Variants in STK32A observed in about 807,000 individuals in gnomAD.
STK32A encodes the protein serine/threonine kinase 32A, also known as serine/threonine-protein kinase 32A.
In STK32A, 41 loss-of-function variants were observed where a neutral mutation model predicts 53.2. The ratio of observed to expected loss-of-function variants is 0.77; its 90% confidence interval spans 0.60 to 1.00. STK32A has a LOEUF of 1.00. Ranked by LOEUF, STK32A falls within the 50% of genes least tolerant of loss-of-function variation. The probability of loss-of-function intolerance (pLI) is 0.00; values close to 1 mark genes in which losing one functional copy is unlikely to be tolerated. For synonymous variants in STK32A, 166 were observed against 162.8 expected, an observed-to-expected ratio of 1.02 and a Z score of -0.15; for missense variants, 458 against 485.8, an observed-to-expected ratio of 0.94 and a Z score of 0.54.
At chr5:147,334,407 C>T (rs752640732) in intron 5 of STK32A, among the ~76,000 whole-genome samples, 12 of 152,144 alleles carry the variant, frequency 7.9e-5, no homozygotes, top group African/African-American at 1.7e-4. Context: ...TTATGGATGG[C>T]GTCCATTCTT....
chr5:147,244,979 C>T (rs1753720922), intron 2 of STK32A, among the ~76,000 whole-genome samples: 1 of 152,190 alleles, frequency 6.6e-6, no homozygotes, highest in Non-Finnish European at 1.5e-5. Flanking sequence ...TAATTAAATG[C>T]AACTCTGTCG....
chr5:147,280,247 G>A (rs954233127), intron 4 of STK32A, among the ~76,000 whole-genome samples: 19 of 152,190 alleles, frequency 1.2e-4, no homozygotes, highest in South Asian at 4.2e-4. Flanking sequence ...GTGAGAAAGC[G>A]CCTGGCCAGA....
At chr5:147,314,598 TAAAG>T (rs1753894756) in intron 4 of STK32A, among the ~76,000 whole-genome samples, 1 of 149,972 alleles carries the variant, frequency 6.7e-6, no homozygotes, top group Non-Finnish European at 1.5e-5. Context: ...TAAAAATGGA[TAAAG>T]AATCTGAGTA....
chr5:147,297,547 G>T (rs931084563), intron 4 of STK32A, among the ~76,000 whole-genome samples: 6 of 152,110 alleles, frequency 3.9e-5, no homozygotes, highest in Non-Finnish European at 7.3e-5. Context: ...GCATATAAAG[G>T]ATTTCAACTC....
intron 7 of STK32A, among the ~76,000 whole-genome samples, chr5:147,357,591 G>A (rs986460770): frequency 5.3e-5 from 8 of 151,814 alleles, no homozygotes; most frequent in African/African-American, 1.9e-4. Flanking sequence ...GCCTAGTTTT[G>A]ACATGAAAAG....
intron 4 of STK32A, among the ~76,000 whole-genome samples, chr5:147,319,511 T>C (rs965537350): frequency 3.9e-5 from 6 of 152,138 alleles, no homozygotes; most frequent in Non-Finnish European, 7.3e-5. Context: ...TGTGTTGTTA[T>C]GGTGAATGAA....
intron 2 of STK32A, among the ~76,000 whole-genome samples, chr5:147,260,078 C>G (rs1754447357): frequency 8.2e-6 from 1 of 121,578 alleles, no homozygotes; most frequent in Non-Finnish European, 1.7e-5. Context: ...TCTCCTGTCT[C>G]TCGCTCTCCT....
At chr5:147,247,016 C>T (rs1290632634) in intron 2 of STK32A, among the ~76,000 whole-genome samples, 2 of 152,202 alleles carry the variant, frequency 1.3e-5, no homozygotes, top group African/African-American at 4.8e-5. Flanking sequence ...AACACTCATG[C>T]TACCGTAACT....
intron 4 of STK32A, among the ~76,000 whole-genome samples, chr5:147,311,427 C>A (rs1331255869): frequency 6.6e-6 from 1 of 152,120 alleles, no homozygotes; most frequent in Non-Finnish European, 1.5e-5. Context: ...AAGCTATATG[C>A]CAGGGGTTGC....
intron 12 of STK32A, 121 bp downstream of exon 12, chr5:147,383,626 G>T: frequency 1.4e-5 from 13 of 920,880 alleles, no homozygotes; most frequent in Non-Finnish European, 2.1e-5. Flanking sequence ...GGAAAATGAT[G>T]CAATCTATTA....
At chr5:147,314,487 A>C (rs1182266374) in intron 4 of STK32A, among the ~76,000 whole-genome samples, 3 of 131,714 alleles carry the variant, frequency 2.3e-5, no homozygotes, top group Non-Finnish European at 4.7e-5. Flanking sequence ...AACAAGAGCG[A>C]AACTCCATAT....
chr5:147,366,805 CT>C (rs1756768082), intron 8 of STK32A, among the ~76,000 whole-genome samples: 1 of 151,774 alleles, frequency 6.6e-6, no homozygotes, highest in Non-Finnish European at 1.5e-5. Flanking sequence ...GATACTCTAT[CT>C]TCAGATAGAT....
At chr5:147,337,612 A>G (rs1317741537) in intron 5 of STK32A, among the ~76,000 whole-genome samples, 9 of 152,078 alleles carry the variant, frequency 5.9e-5, no homozygotes, top group Admixed American at 5.9e-4. Flanking sequence ...TCGAGCACCT[A>G]CTTTATTCTT....
chr5:147,355,509 T>TAA (rs72096179), intron 7 of STK32A, among the ~76,000 whole-genome samples: 7 of 151,068 alleles, frequency 4.6e-5, no homozygotes, highest in South Asian at 2.1e-4. Flanking sequence ...CCGTCTCTAC[T>TAA]AAAAAAATAC....
rs1372350751 is a variant in STK32A at position 147,319,098 on chromosome 5, C to T, written c.261-4800C>T. ...ACCTTTGTTTTGCCTTAGATTGTCA[C>T]ATTGTGGTATTTCAGTTAAAAAACA... On this transcript the variant is annotated intron_variant, in intron 4 of 12. Transcript: ENST00000397936. Among the ~76,000 whole-genome samples, 4 of 150,074 alleles carry T rather than the reference C, an allele frequency of 2.7e-5. 1 individual carries two copies. Among genetic ancestry groups the T allele is most frequent in the Non-Finnish European group, 5.9e-5 (4 of 67,724 alleles).
chr5:147,337,859 G>A (rs1175713054), intron 5 of STK32A, among the ~76,000 whole-genome samples: 1 of 152,138 alleles, frequency 6.6e-6, no homozygotes, highest in Non-Finnish European at 1.5e-5. Flanking sequence ...ATGCCAGTTT[G>A]GAAATTGTAT....
intron 8 of STK32A, among the ~76,000 whole-genome samples, chr5:147,364,022 C>T (rs183725608): frequency 4.5e-4 from 68 of 152,040 alleles, no homozygotes; most frequent in Non-Finnish European, 8.7e-4. Context: ...TCGAGTCCAA[C>T]CTGATCAACA....
At chr5:147,327,986 G>A (rs1754684526) in intron 5 of STK32A, among the ~76,000 whole-genome samples, 1 of 152,184 alleles carries the variant, frequency 6.6e-6, no homozygotes, top group Non-Finnish European at 1.5e-5. Flanking sequence ...CTTCAGAGAA[G>A]ATAGTGTGGA....
At chr5:147,335,296 G>T (rs1469366685) in intron 5 of STK32A, among the ~76,000 whole-genome samples, 1 of 152,108 alleles carries the variant, frequency 6.6e-6, no homozygotes, top group Non-Finnish European at 1.5e-5. Flanking sequence ...ACATGGTTTT[G>T]GTCCCAACAG....
Sources: allele counts gnomAD v4.1 joint callset (sites outside exome capture counted in the v4.1 genomes callset), GRCh38; gene constraint gnomAD v4.1.1; transcripts MANE v1.5; gene names NCBI Gene and HGNC (gene_info 2026-07-23, HGNC 2026-07-21).